Variants in GALNT13 observed in about 807,000 individuals in gnomAD.
GALNT13 encodes UDP-GalNAc:polypeptide N-acetylgalactosaminyltransferase 13.
A neutral mutation model predicts 64.2 loss-of-function variants in GALNT13; 28 were observed. That is an observed-to-expected ratio of 0.44 (90% CI 0.32 to 0.60). The LOEUF (loss-of-function observed/expected upper bound fraction) is 0.60. Among genes scored for constraint, GALNT13 ranks in the 20% least tolerant of loss-of-function variants. The pLI, the probability that GALNT13 is intolerant of heterozygous loss-of-function variation, is 0.05. For missense variants in GALNT13, 577 were observed against 669.8 expected (o/e 0.86, Z 1.53); for synonymous variants, 214 against 224.6 (o/e 0.95, Z 0.42).
At chr2:154,024,284 G>C (rs964482925) in intron 3 of GALNT13, among the ~76,000 whole-genome samples, 2 of 152,184 alleles carry the variant, frequency 1.3e-5, no homozygotes, top group Non-Finnish European at 2.9e-5. Flanking sequence ...ATATCCTGCA[G>C]AGTGTTTTCC....
At chr2:153,783,414 T>C in the GALNT13 span, among the ~76,000 whole-genome samples, 5 of 90,494 alleles carry the variant, frequency 5.5e-5, no homozygotes, top group African/African-American at 8.2e-5. Context: ...TTGTTGTTGT[T>C]TGTTTGTTTG....
At chr2:154,252,733 A>G in intron 7 of GALNT13, among the ~76,000 whole-genome samples, 1 of 49,468 alleles carries the variant, frequency 2.0e-5, no homozygotes, top group Admixed American at 2.1e-4. Flanking sequence ...AAAGATAGAT[A>G]GATAGATAGA....
At chr2:153,144,171 G>A in the GALNT13 span, among the ~76,000 whole-genome samples, 1 of 151,884 alleles carries the variant, frequency 6.6e-6, no homozygotes, top group Non-Finnish European at 1.5e-5. Context: ...AAAATCCTTG[G>A]ATCACCCTGC....
chr2:154,207,400 A>G (rs2105792147), intron 4 of GALNT13, among the ~76,000 whole-genome samples: 1 of 152,204 alleles, frequency 6.6e-6, no homozygotes, highest in South Asian at 2.1e-4. Flanking sequence ...GAATCTGTTT[A>G]TTATAAATTA....
chr2:153,362,501 C>T, the GALNT13 span, among the ~76,000 whole-genome samples: 2 of 124,752 alleles, frequency 1.6e-5, no homozygotes, highest in South Asian at 2.8e-4. Context: ...TGCAAGGACA[C>T]ATAGGCTGAA....
chr2:154,198,759 T>A (rs1687015518), intron 4 of GALNT13, among the ~76,000 whole-genome samples: 1 of 152,040 alleles, frequency 6.6e-6, no homozygotes, highest in Non-Finnish European at 1.5e-5. Flanking sequence ...AGGAGGGAAC[T>A]GAAGGGTCAA....
At chr2:153,648,254 T>G in the GALNT13 span, among the ~76,000 whole-genome samples, 4 of 152,172 alleles carry the variant, frequency 2.6e-5, no homozygotes, top group Admixed American at 2.6e-4. Flanking sequence ...CACTTATGAT[T>G]TGGTTCTCTG....
the GALNT13 span, among the ~76,000 whole-genome samples, chr2:153,641,859 C>T: frequency 1.3e-5 from 2 of 151,824 alleles, no homozygotes; most frequent in Non-Finnish European, 2.9e-5. Flanking sequence ...ACTTCTTTTC[C>T]AATTTATTAA....
At chr2:154,025,082 G>GT (rs1177103155) in intron 3 of GALNT13, among the ~76,000 whole-genome samples, 1 of 152,170 alleles carries the variant, frequency 6.6e-6, no homozygotes, top group Non-Finnish European at 1.5e-5. Flanking sequence ...ACCCAGCCGT[G>GT]TAAGTTGTCA....
intron 7 of GALNT13, among the ~76,000 whole-genome samples, chr2:154,250,406 A>C (rs533607536): frequency 6.6e-6 from 1 of 151,980 alleles, no homozygotes; most frequent in Non-Finnish European, 1.5e-5. Context: ...AATGGCTGCT[A>C]ATGTCTCAAT....
chr2:154,441,179 G>T (rs539935792), intron 12 of GALNT13, among the ~76,000 whole-genome samples: 1 of 152,058 alleles, frequency 6.6e-6, no homozygotes, highest in South Asian at 2.1e-4. Context: ...TTATACACTG[G>T]TTAAAGAATG....
chr2:153,388,404 C>T, the GALNT13 span, among the ~76,000 whole-genome samples: 1 of 152,026 alleles, frequency 6.6e-6, no homozygotes, highest in African/African-American at 2.4e-5. Context: ...CATGAGACGA[C>T]TTCCCTCAGC....
chr2:153,139,091 A>G, the GALNT13 span, among the ~76,000 whole-genome samples: 1 of 152,094 alleles, frequency 6.6e-6, no homozygotes, highest in Admixed American at 6.6e-5. Context: ...ACATCATTTC[A>G]TGTTATTTCA....
the GALNT13 span, among the ~76,000 whole-genome samples, chr2:153,373,030 A>G: frequency 1.3e-5 from 2 of 152,118 alleles, no homozygotes; most frequent in Admixed American, 6.5e-5. Flanking sequence ...AACTCAAGCC[A>G]TTTAATGTCT....
chr2:154,438,848 T>TGCAG, intron 12 of GALNT13, 122 bp downstream of exon 12: 1 of 758,628 alleles, frequency 1.3e-6, no homozygotes, highest in Non-Finnish European at 2.1e-6. Context: ...TTTTCAAGCA[T>TGCAG]GCAGGCTCAT....
At chr2:153,800,943 C>T in the GALNT13 span, among the ~76,000 whole-genome samples, 1 of 152,184 alleles carries the variant, frequency 6.6e-6, no homozygotes, top group Admixed American at 6.5e-5. Context: ...CTTGCTACAG[C>T]TTCTCCATCA....
At chr2:153,684,999 G>A in the GALNT13 span, among the ~76,000 whole-genome samples, 6 of 151,204 alleles carry the variant, frequency 4.0e-5, no homozygotes, top group Admixed American at 4.0e-4. Flanking sequence ...TTTTTTTAAG[G>A]CTGCATAGTA....
intron 3 of GALNT13, among the ~76,000 whole-genome samples, chr2:154,109,118 C>A (rs977010819): frequency 1.2e-4 from 19 of 152,028 alleles, no homozygotes; most frequent in African/African-American, 4.6e-4. Flanking sequence ...GTGTTTAGAT[C>A]ACTTTGGGTA....
At chr2:153,645,854 G>A in the GALNT13 span, among the ~76,000 whole-genome samples, 1 of 152,032 alleles carries the variant, frequency 6.6e-6, no homozygotes, top group African/African-American at 2.4e-5. Context: ...GGGTTACAGA[G>A]CAGCAGGGAG....
Sources: gnomAD v4.1 joint callset for allele counts (sites outside exome capture counted in the v4.1 genomes callset) on GRCh38, gnomAD v4.1.1 for gene constraint, MANE v1.5 for transcripts, NCBI Gene and HGNC (gene_info 2026-07-23, HGNC 2026-07-21) for gene names.